The following PTPRR variants were observed in gnomAD, a reference collection of about 807,000 sequenced individuals.
PTPRR encodes receptor-type tyrosine-protein phosphatase R.
A neutral mutation model predicts 77.2 loss-of-function variants in PTPRR; 38 were observed. That is an observed-to-expected ratio of 0.49 (90% CI 0.38 to 0.65). The LOEUF (loss-of-function observed/expected upper bound fraction) is 0.65. Ranked by LOEUF, PTPRR falls within the 30% of genes least tolerant of loss-of-function variation. PTPRR has a pLI of 0.00. For synonymous variants in PTPRR, 299 were observed against 283.1 expected, an observed-to-expected ratio of 1.06 and a Z score of -0.57; for missense variants, 744 against 799.2, an observed-to-expected ratio of 0.93 and a Z score of 0.83.
intron 6 of PTPRR, among the ~76,000 whole-genome samples, chr12:70,702,818 A>C (rs921762611): frequency 1.3e-5 from 2 of 152,190 alleles, no homozygotes; most frequent in Admixed American, 6.5e-5. Context: ...AAATTAGAGA[A>C]TGGCTGGCCT....
intron 4 of PTPRR, among the ~76,000 whole-genome samples, chr12:70,756,099 A>G (rs1890556542): frequency 6.6e-6 from 1 of 152,108 alleles, no homozygotes; most frequent in Non-Finnish European, 1.5e-5. Flanking sequence ...GGTGGGTGGA[A>G]AGAGATTTTG....
intron 2 of PTPRR, among the ~76,000 whole-genome samples, chr12:70,796,187 G>A (rs1028855115): frequency 3.8e-4 from 58 of 152,112 alleles, no homozygotes; most frequent in African/African-American, 1.4e-3. Context: ...GCCTCCCAAA[G>A]TGCTGGGATT....
At chr12:70,689,531 A>G (rs958621369) in intron 8 of PTPRR, among the ~76,000 whole-genome samples, 3 of 152,142 alleles carry the variant, frequency 2.0e-5, no homozygotes, top group African/African-American at 7.2e-5. Context: ...TGTGGAGCTG[A>G]ATTTTAACAT....
intron 1 of PTPRR, among the ~76,000 whole-genome samples, chr12:70,893,807 A>G (rs1893379284): frequency 6.6e-6 from 1 of 151,942 alleles, no homozygotes; most frequent in African/African-American, 2.4e-5. Flanking sequence ...CTACCATACC[A>G]ACCTCACAGT....
chr12:70,674,528 T>A (rs1887370883), intron 10 of PTPRR, among the ~76,000 whole-genome samples: 1 of 152,194 alleles, frequency 6.6e-6, no homozygotes, highest in African/African-American at 2.4e-5. Context: ...AAACTTTTTT[T>A]AAGCATCAAA....
chr12:70,716,541 C>T lies in PTPRR; in HGVS notation c.1008-15218G>A, dbSNP rs982110794. 2.0e-5 allele frequency among the ~76,000 whole-genome samples: 3 copies of T among 152,064 alleles called. No homozygotes were observed. The East Asian group carries it at 5.8e-4, about 29-fold the overall frequency. On this transcript the variant is annotated intron_variant, in intron 6 of 13. Coordinates refer to ENST00000283228, the MANE Select transcript of PTPRR (RefSeq NM_002849.4). ...ACACATTTCTTGGGATGCACATGCC[C>T]CACTTTGAGACCACTCTCTCAATTA...
chr12:70,763,898 T>A (rs1316220631), intron 3 of PTPRR, among the ~76,000 whole-genome samples: 1 of 152,170 alleles, frequency 6.6e-6, no homozygotes, highest in East Asian at 1.9e-4. Context: ...GAACATGTAG[T>A]TGCATGAAAT....
At chr12:70,742,577 T>G (rs1890084116) in intron 6 of PTPRR, among the ~76,000 whole-genome samples, 1 of 152,168 alleles carries the variant, frequency 6.6e-6, no homozygotes. Flanking sequence ...ATTTCATAAG[T>G]AGAAGTTATC....
At chr12:70,800,052 G>C (rs902756549) in intron 2 of PTPRR, among the ~76,000 whole-genome samples, 1 of 152,054 alleles carries the variant, frequency 6.6e-6, no homozygotes, top group African/African-American at 2.4e-5. Flanking sequence ...CCAGCATCTG[G>C]GAATATGCAA....
At chr12:70,758,028 T>G (rs1890602273) in intron 4 of PTPRR, among the ~76,000 whole-genome samples, 2 of 152,212 alleles carry the variant, frequency 1.3e-5, no homozygotes, top group African/African-American at 4.8e-5. Context: ...TTTTCCCTGT[T>G]TCTGCATTTA....
chr12:70,800,058 T>C (rs1009178843), intron 2 of PTPRR, among the ~76,000 whole-genome samples: 5 of 152,188 alleles, frequency 3.3e-5, no homozygotes, highest in African/African-American at 1.2e-4. Context: ...TCTGGGAATA[T>C]GCAACCAATG....
chr12:70,707,343 T>G (rs951112741), intron 6 of PTPRR, among the ~76,000 whole-genome samples: 1 of 152,126 alleles, frequency 6.6e-6, no homozygotes, highest in Non-Finnish European at 1.5e-5. Flanking sequence ...ATCTAGATTT[T>G]TATTCAATAT....
At chr12:70,851,731 C>G (rs1321461080) in intron 2 of PTPRR, among the ~76,000 whole-genome samples, 1 of 152,042 alleles carries the variant, frequency 6.6e-6, no homozygotes, top group Non-Finnish European at 1.5e-5. Flanking sequence ...CTATATGACT[C>G]TAATAAAAAA....
chr12:70,748,090 C>A (rs1592729155), intron 5 of PTPRR, among the ~76,000 whole-genome samples: 1 of 152,092 alleles, frequency 6.6e-6, no homozygotes, highest in African/African-American at 2.4e-5. Context: ...TCACCACACA[C>A]CCCCGCCAAC....
At chr12:70,764,088 T>G (rs1890756488) in intron 3 of PTPRR, among the ~76,000 whole-genome samples, 1 of 151,764 alleles carries the variant, frequency 6.6e-6, no homozygotes, top group Admixed American at 6.6e-5. Context: ...TACCAATTCC[T>G]GCATTCCACC....
At chr12:70,784,838 G>T (rs542709855) in intron 2 of PTPRR, among the ~76,000 whole-genome samples, 184 of 152,296 alleles carry the variant, frequency 1.2e-3, no homozygotes, top group African/African-American at 4.2e-3. Context: ...TAGTAACCAG[G>T]ATAGTAATAA....
chr12:70,737,314 A>G (rs989218352), intron 6 of PTPRR, among the ~76,000 whole-genome samples: 1 of 151,816 alleles, frequency 6.6e-6, no homozygotes, highest in African/African-American at 2.4e-5. Flanking sequence ...TTTCCTAATA[A>G]GCTTCCCCTG....
chr12:70,788,911 A>G (rs1891376394), intron 2 of PTPRR: 9 of 1,469,518 alleles, frequency 6.1e-6, no homozygotes, highest in Middle Eastern at 1.8e-4. Flanking sequence ...GACTAATCGT[A>G]AAGCTTTCTA....
intron 4 of PTPRR, chr12:70,754,744 A>G: frequency 6.4e-7 from 1 of 1,561,474 alleles, no homozygotes; most frequent in South Asian, 1.2e-5. Context: ...GTGCAAACAA[A>G]AGCTTGTGGT....
Sources: allele counts gnomAD v4.1 joint callset (sites outside exome capture counted in the v4.1 genomes callset), GRCh38; gene constraint gnomAD v4.1.1; transcripts MANE v1.5; gene names NCBI Gene and HGNC (gene_info 2026-07-23, HGNC 2026-07-21).